CDH13: variants seen among roughly 807,000 people sequenced by gnomAD.
CDH13 encodes cadherin 13.
A neutral mutation model predicts 63.8 loss-of-function variants in CDH13; 24 were observed. The ratio of observed to expected loss-of-function variants is 0.38; its 90% CI spans 0.27 to 0.53. The LOEUF is 0.53. Ranked by LOEUF, CDH13 falls within the 20% of genes least tolerant of loss-of-function variation. The pLI is 0.85. For missense variants in CDH13, 1,049 were observed against 903.1 expected (o/e 1.16, Z -2.07); for synonymous variants, 503 against 355.3 (o/e 1.42, Z -4.67).
rs568677314 is a variant in CDH13, at chr16:83,749,974, G to A, written c.1681+1724G>A. ...TTCTGATTGGTTAGCCTTAAGTTTC[G>A]TTTTTCTTTAACATAGTCATTTATA... On this transcript the variant is annotated intron_variant, in intron 11 of 13. Coordinates refer to ENST00000567109, the MANE Select transcript of CDH13 (RefSeq NM_001257.5). 7.2e-5 allele frequency among the ~76,000 whole-genome samples: 11 copies of A among 152,250 alleles called. No individual in the cohort carries two copies. In the South Asian group the frequency reaches 8.3e-4, roughly 11 times the overall value.
chr16:82,831,996 G>C (rs2038561446), intron 1 of CDH13, among the ~76,000 whole-genome samples: 1 of 152,150 alleles, frequency 6.6e-6, no homozygotes, highest in Admixed American at 6.6e-5. Context: ...AGCAACGCTT[G>C]GAAGCCAAAG....
At chr16:83,219,142 C>A (rs1172443509) in intron 5 of CDH13, among the ~76,000 whole-genome samples, 7 of 152,140 alleles carry the variant, frequency 4.6e-5, no homozygotes, top group Admixed American at 3.9e-4. Flanking sequence ...AGCTGTGGGA[C>A]CTTGAGCAAC....
intron 10 of CDH13, among the ~76,000 whole-genome samples, chr16:83,678,920 C>A (rs1162600331): frequency 1.3e-5 from 2 of 152,172 alleles, no homozygotes; most frequent in Non-Finnish European, 2.9e-5. Context: ...AGCAGCCCAG[C>A]TTGGTGGTAG....
rs984073194 is a variant in CDH13, at chr16:83,800,165, C to T, written c.*5135C>T. 6.6e-6 allele frequency: 1 copy of T among 151,974 alleles called. No individual in the cohort carries two copies. The highest frequency in any genetic ancestry group is 2.4e-5 in the African/African-American group (1 of 41,352). 9.4% of individuals were successfully genotyped at this position (151,974 alleles called of 1,614,324 possible). On this transcript the variant is annotated 3_prime_UTR_variant, in exon 14 of 14. Transcript: ENST00000567109. The stretch of plus-strand genomic sequence containing the variant: ...GTGAAAAGCGTTGGGTGGTGTAGGA[C>T]GAGGGAGGTTTTCACTCTGAAGCTA...
At chr16:83,051,697 C>T (rs568146711) in intron 3 of CDH13, among the ~76,000 whole-genome samples, 3 of 152,338 alleles carry the variant, frequency 2.0e-5, no homozygotes, top group Admixed American at 6.5e-5. Flanking sequence ...TAAACCTCTG[C>T]TTATGGACCA....
intron 1 of CDH13, among the ~76,000 whole-genome samples, chr16:82,771,020 G>A (rs1359328218): frequency 6.6e-6 from 1 of 152,148 alleles, no homozygotes; most frequent in East Asian, 1.9e-4. Flanking sequence ...TGGCCCAATA[G>A]TTCCAATTTT....
At chr16:83,615,619 G>T (rs891899382) in intron 8 of CDH13, among the ~76,000 whole-genome samples, 6 of 152,082 alleles carry the variant, frequency 3.9e-5, no homozygotes, top group African/African-American at 9.6e-5. Flanking sequence ...CTCATATTTT[G>T]TACAGAATGG....
At chr16:83,210,168 G>A (rs1366454196) in intron 4 of CDH13, among the ~76,000 whole-genome samples, 2 of 151,942 alleles carry the variant, frequency 1.3e-5, no homozygotes, top group Non-Finnish European at 2.9e-5. Context: ...GGGTTCAAGC[G>A]ATTCTCCTGC....
At chr16:83,780,348 C>G (rs1341522551) in intron 12 of CDH13, 147 bp downstream of exon 12, 4 of 602,726 alleles carry the variant, frequency 6.6e-6, no homozygotes, top group Admixed American at 3.0e-5. Flanking sequence ...TGAGAATTTT[C>G]CCACCAACAA....
chr16:82,827,242 G>A (rs1360090556), intron 1 of CDH13, among the ~76,000 whole-genome samples: 2 of 152,196 alleles, frequency 1.3e-5, no homozygotes, highest in Non-Finnish European at 2.9e-5. Flanking sequence ...AGTGGCATAA[G>A]CATCGTGTGA....
chr16:83,131,239 C>T (rs2036038394), intron 4 of CDH13, among the ~76,000 whole-genome samples: 1 of 143,678 alleles, frequency 7.0e-6, no homozygotes, highest in South Asian at 2.2e-4. Context: ...CGAGAGATCA[C>T]TGCCAGCCCT....
chr16:83,362,296 A>G (rs1567617587), intron 6 of CDH13, among the ~76,000 whole-genome samples: 1 of 152,172 alleles, frequency 6.6e-6, no homozygotes, highest in Non-Finnish European at 1.5e-5. Flanking sequence ...GTACATTTCT[A>G]TTATGGCAAT....
rs10527714 is a variant in CDH13, at chr16:82,909,252, ATGTGTGTGTGTGTGTG to A, written c.157+50805_157+50820del. On this transcript the variant is annotated intron_variant, in intron 2 of 13. Coordinates refer to ENST00000567109, the MANE Select transcript of CDH13 (RefSeq NM_001257.5). Reference sequence around the variant, plus strand: ...CACAGAAACTGAGGACTGACTGTATATGTGTGTGTGTGTGTGTGTGTGTGTGTGTGTGTGTGTGTGT... The same window carrying A: ...CACAGAAACTGAGGACTGACTGTATATGTGTGTGTGTGTGTGTGTGTGTGT... Among the ~76,000 whole-genome samples, 554 of 146,946 alleles carry A rather than the reference ATGTGTGTGTGTGTGTG, an allele frequency of 3.8e-3. 2 individuals carry two copies. Among genetic ancestry groups the A allele is most frequent in the Non-Finnish European group, 6.6e-3 (443 of 66,750 alleles).
chr16:82,895,878 C>G (rs1193655988), intron 2 of CDH13, among the ~76,000 whole-genome samples: 1 of 152,160 alleles, frequency 6.6e-6, no homozygotes, highest in Non-Finnish European at 1.5e-5. Flanking sequence ...ATGGGAGAGC[C>G]TTGAAGGGGT....
rs139369458 is a variant in CDH13, at chr16:82,731,238, C to G, written c.45+104101C>G. Among the ~76,000 whole-genome samples the G allele has an allele frequency of 7.9e-5, 12 of 152,202 alleles. No homozygotes were observed. In the South Asian group the frequency reaches 1.0e-3, roughly 13 times the overall value. ...ATCCTAGGCTTTGTGGGCACCGAAC[C>G]CTCTGTTGCAATTACTCAACCCTGC... On this transcript the variant is annotated intron_variant, in intron 1 of 13. Coordinates refer to ENST00000567109, the MANE Select transcript of CDH13 (RefSeq NM_001257.5).
At chr16:82,946,888 G>A (rs566971346) in intron 2 of CDH13, among the ~76,000 whole-genome samples, 1 of 152,108 alleles carries the variant, frequency 6.6e-6, no homozygotes, top group Admixed American at 6.6e-5. Flanking sequence ...GTTTTAAGCA[G>A]AATCTGCATT....
At chr16:82,801,120 A>C (rs2036835361) in intron 1 of CDH13, among the ~76,000 whole-genome samples, 1 of 152,170 alleles carries the variant, frequency 6.6e-6, no homozygotes, top group Admixed American at 6.5e-5. Flanking sequence ...TTTGTTCTTA[A>C]GAAACAGAAA....
chr16:83,220,652 CAAGAAAAAAA>C (rs1567517002), intron 5 of CDH13, among the ~76,000 whole-genome samples: 1 of 50,986 alleles, frequency 2.0e-5, no homozygotes, highest in East Asian at 1.4e-3. Flanking sequence ...AAAAACAGAG[CAAGAAAAAAA>C]AAGAAAAAGA....
chr16:83,310,351 C>G (rs1452393620), intron 5 of CDH13, among the ~76,000 whole-genome samples: 1 of 152,158 alleles, frequency 6.6e-6, no homozygotes, highest in Non-Finnish European at 1.5e-5. Flanking sequence ...TGCTTGAGAA[C>G]AGAAAATGAG....
Sources: gnomAD v4.1 joint callset for allele counts (sites outside exome capture counted in the v4.1 genomes callset) on GRCh38, gnomAD v4.1.1 for gene constraint, MANE v1.5 for transcripts, NCBI Gene and HGNC (gene_info 2026-07-23, HGNC 2026-07-21) for gene names.